SPHK1: variants seen among roughly 807,000 people sequenced by gnomAD.
SPHK1 encodes SK 1.
SPHK1 carries 10 observed loss-of-function variants against 14.6 expected under a neutral mutation model. That is an observed-to-expected ratio of 0.68 (90% CI 0.42 to 1.16). The LOEUF (loss-of-function observed/expected upper bound fraction) is 1.16. Among genes scored for constraint, SPHK1 ranks in the 50% most tolerant of loss-of-function variants. The probability of loss-of-function intolerance (pLI) is 0.00; values close to 1 mark genes in which losing one functional copy is unlikely to be tolerated. For synonymous variants in SPHK1, 274 were observed against 224.0 expected (o/e 1.22, Z -1.99); for missense variants, 553 against 525.4 (o/e 1.05, Z -0.51).
Position 76,385,258 on chromosome 17 carries a change from CGGAGCAGGCGCCCTTCTCAG to C in SPHK1, c.-194-189_-194-170del. ...ACCCCAAGCCCCAGGGAGAAAGCCC[CGGAGCAGGCGCCCTTCTCAG>C]GGATTGTAGGCTTAGTCACACGGCG... On this transcript the variant is annotated intron_variant, in intron 1 of 5. Coordinates refer to ENST00000592299, the MANE Select transcript of SPHK1 (RefSeq NM_001142601.2). The surrounding 1 kb of genome is among the most constrained non-coding windows in gnomAD (Gnocchi z 5.3). The C allele has an allele frequency of 5.9e-6, 9 of 1,514,368 alleles. No homozygotes were observed. Among genetic ancestry groups the C allele is most frequent in the Non-Finnish European group, 7.1e-6 (8 of 1,130,160 alleles). The allele number at this position is 1,514,368 out of a possible 1,614,324, so 93.8% of individuals were successfully genotyped here.
Position 76,386,625 on chromosome 17 carries a change from C to A in SPHK1, c.374+117C>A. On this transcript the variant is annotated intron_variant, in intron 5 of 5. Transcript: ENST00000592299. This position sits in a 1 kb window ranked among gnomAD's most constrained non-coding sequence, Gnocchi z 5.3. ...TTTCCATTTCCCCTTCTCCCTTAGT[C>A]CTGGGGCCCTCTCCTGGTGACCCCA... is the stretch of plus-strand genomic sequence containing the variant. The A allele has an allele frequency of 8.3e-7, 1 of 1,206,696 alleles. No individual in the cohort carries two copies. The highest frequency in any genetic ancestry group is 1.1e-6 in the Non-Finnish European group (1 of 873,266). The allele number at this position is 1,206,696 out of a possible 1,614,324, so 74.7% of individuals were successfully genotyped here. A position where few individuals can be genotyped will look rare whatever the true frequency, so the allele number is the denominator to read the frequency against.
Position 76,387,296 on chromosome 17 carries a change from T to C in SPHK1, c.865T>C (p.Tyr289His). The C allele has an allele frequency of 6.2e-7, 1 of 1,613,648 alleles. No homozygotes were observed. Among genetic ancestry groups the C allele is most frequent in the Non-Finnish European group, 8.5e-7 (1 of 1,179,970 alleles). ...TGCAGCTGGCGTCATGCATCTGTTCTACGTGCGGGCGGGAGTGTCTCGTGC... is the reference window on the plus strand; with the variant it reads ...TGCAGCTGGCGTCATGCATCTGTTCCACGTGCGGGCGGGAGTGTCTCGTGC... The part of the protein sequence containing the change: ...RCAAGVMHLF[Y>H]VRAGVSRAML... The change falls in exon 6 of 6, where the codon TAC becomes CAC. Residue 289 changes from tyrosine to histidine, a missense_variant. By Grantham distance (83) the Tyr-to-His change is moderately conservative. Transcript: ENST00000592299. The surrounding 1 kb of genome is among the most constrained non-coding windows in gnomAD (Gnocchi z 4.1).
chr17:76,385,720 C>A lies in SPHK1; in HGVS notation c.10+66C>A. The A allele has an allele frequency of 6.8e-7, 1 of 1,476,364 alleles. No homozygotes were observed. The allele number at this position is 1,476,364 out of a possible 1,614,324, so 91.5% of individuals were successfully genotyped here. A position where few individuals can be genotyped will look rare whatever the true frequency, so the allele number is the denominator to read the frequency against. ...CTGTTCCTCGCCAGGAATGATGGAA[C>A]GCCCAGCTGGACGAAAGGGGCTGTG... On this transcript the variant is annotated intron_variant, in intron 2 of 5. Transcript: ENST00000592299. The surrounding 1 kb of genome is among the most constrained non-coding windows in gnomAD (Gnocchi z 5.3).
rs749144283 is a variant in SPHK1, at chr17:76,386,188, C to T, written c.164-33C>T. 1 of 1,594,784 alleles carries T rather than the reference C, an allele frequency of 6.3e-7. No homozygotes were observed. Among genetic ancestry groups the T allele is most frequent in the East Asian group, 2.2e-5 (1 of 44,686 alleles). ...GGGAGCATCCCCTGGCAGGGGACCC[C>T]CCCAGTCCTGATAGCTGCCGGTCTC... is the stretch of plus-strand genomic sequence containing the variant. On this transcript the variant is annotated intron_variant, in intron 3 of 5. Transcript: ENST00000592299. This position sits in a 1 kb window ranked among gnomAD's most constrained non-coding sequence, Gnocchi z 5.3.
rs1403372589 is a variant in SPHK1 at position 76,386,548 on chromosome 17, T to C, written c.374+40T>C. The C allele has an allele frequency of 1.2e-5, 19 of 1,563,414 alleles. No homozygotes were observed. The highest frequency in any genetic ancestry group is 1.7e-5 in the Non-Finnish European group (19 of 1,144,964). ...CCAGAGTAGGCCTGTTTCCCGTCAGTGCTCCTCTACCGCGGGGGTTTTCTT... is the reference window on the plus strand; with the variant it reads ...CCAGAGTAGGCCTGTTTCCCGTCAGCGCTCCTCTACCGCGGGGGTTTTCTT... On this transcript the variant is annotated intron_variant, in intron 5 of 5. Transcript: ENST00000592299. The surrounding 1 kb of genome is among the most constrained non-coding windows in gnomAD (Gnocchi z 5.3).
Position 76,387,746 on chromosome 17 carries a change from G to A in SPHK1, c.*160G>A. 1 of 884,152 alleles carries A rather than the reference G, an allele frequency of 1.1e-6. No individual in the cohort carries two copies. The highest frequency in any genetic ancestry group is 1.6e-6 in the Non-Finnish European group (1 of 608,266). The allele number at this position is 884,152 out of a possible 1,614,324, so 54.8% of individuals were successfully genotyped here. A position where few individuals can be genotyped will look rare whatever the true frequency, so the allele number is the denominator to read the frequency against. On this transcript the variant is annotated 3_prime_UTR_variant, in exon 6 of 6. Coordinates refer to ENST00000592299, the MANE Select transcript of SPHK1 (RefSeq NM_001142601.2). The surrounding 1 kb of genome is among the most constrained non-coding windows in gnomAD (Gnocchi z 4.1). ...CTTTGGGGGGACAGGCCAGAATGAA[G>A]TCCTGGGTCAGGAGCCCAGCTGGCT... is the stretch of plus-strand genomic sequence containing the variant.
chr17:76,386,155 G>A lies in SPHK1; in HGVS notation c.163+18G>A, dbSNP rs990032613. On this transcript the variant is annotated intron_variant, in intron 3 of 5. Coordinates refer to ENST00000592299, the MANE Select transcript of SPHK1 (RefSeq NM_001142601.2). This position sits in a 1 kb window ranked among gnomAD's most constrained non-coding sequence, Gnocchi z 5.3. ...GCTCACTGGTGAGTACCTCTCGGAG[G>A]GGGTTTCGGGAGCATCCCCTGGCAG... 5 of 1,589,404 alleles carry A rather than the reference G, an allele frequency of 3.1e-6. No homozygotes were observed. Among genetic ancestry groups the A allele is most frequent in the Admixed American group, 3.4e-5 (2 of 58,900 alleles).
At position 76,385,360 on chromosome 17, in the gene SPHK1, C is replaced by T. The variant is rs2071947359; in HGVS notation, c.-194-91C>T. 3.9e-5 allele frequency: 56 copies of T among 1,448,554 alleles called. No homozygotes were observed. The highest frequency in any genetic ancestry group is 4.4e-5 in the Non-Finnish European group (49 of 1,103,898). 89.7% of individuals were successfully genotyped at this position (1,448,554 alleles called of 1,614,324 possible). Reference sequence around the variant, plus strand: ...CTCTGGACTTCCCGGGAACCTGGCTCCCCGCGCGTGGTCCCGGGATTTAGT... The same window carrying T: ...CTCTGGACTTCCCGGGAACCTGGCTTCCCGCGCGTGGTCCCGGGATTTAGT... On this transcript the variant is annotated intron_variant, in intron 1 of 5. Coordinates refer to ENST00000592299, the MANE Select transcript of SPHK1 (RefSeq NM_001142601.2). This position sits in a 1 kb window ranked among gnomAD's most constrained non-coding sequence, Gnocchi z 5.3.
Position 76,386,732 on chromosome 17 carries a change from C to T in SPHK1, c.375-74C>T. 6.8e-7 allele frequency: 1 copy of T among 1,475,618 alleles called. No individual in the cohort carries two copies. The highest frequency in any genetic ancestry group is 9.1e-7 in the Non-Finnish European group (1 of 1,103,916). The allele number at this position is 1,475,618 out of a possible 1,614,324, so 91.4% of individuals were successfully genotyped here. On this transcript the variant is annotated intron_variant, in intron 5 of 5. Coordinates refer to ENST00000592299, the MANE Select transcript of SPHK1 (RefSeq NM_001142601.2). This position sits in a 1 kb window ranked among gnomAD's most constrained non-coding sequence, Gnocchi z 5.3. The stretch of plus-strand genomic sequence containing the variant: ...GACCACATGGCGCTTTGCCAGCTCC[C>T]ACTCCCCGGGAGGAGGAAGCGGGGG...
chr17:76,386,254 C>G lies in SPHK1; in HGVS notation c.197C>G (p.Ser66Trp). The change falls in exon 4 of 6, where the codon TCG becomes TGG. Residue 66 changes from serine to tryptophan, a missense_variant. Coordinates refer to ENST00000592299, the MANE Select transcript of SPHK1 (RefSeq NM_001142601.2). This position sits in a 1 kb window ranked among gnomAD's most constrained non-coding sequence, Gnocchi z 5.3. ...AACCACGCGCGGGAGCTGGTGCGGT[C>G]GGAGGAGCTGGGCCGCTGGGACGCT... The part of the protein sequence containing the change: ...RRNHARELVR[S>W]EELGRWDALV... 2 of 1,595,092 alleles carry G rather than the reference C, an allele frequency of 1.3e-6. No individual in the cohort carries two copies. Among genetic ancestry groups the G allele is most frequent in the Non-Finnish European group, 1.7e-6 (2 of 1,176,376 alleles).
chr17:76,385,797 G>A lies in SPHK1; in HGVS notation c.10+143G>A. 1 of 1,429,294 alleles carries A rather than the reference G, an allele frequency of 7.0e-7. No homozygotes were observed. Among genetic ancestry groups the A allele is most frequent in the Non-Finnish European group, 9.5e-7 (1 of 1,049,882 alleles). 88.5% of individuals were successfully genotyped at this position (1,429,294 alleles called of 1,614,324 possible). A position where few individuals can be genotyped will look rare whatever the true frequency, so the allele number is the denominator to read the frequency against. ...ACGAGGCCAGAAGCCGGCCGAATCT[G>A]AGCCAAGGAAGGGGGTGGCAGGGGC... On this transcript the variant is annotated intron_variant, in intron 2 of 5. Transcript: ENST00000592299. This position sits in a 1 kb window ranked among gnomAD's most constrained non-coding sequence, Gnocchi z 5.3.
chr17:76,386,939 G>T lies in SPHK1; in HGVS notation c.508G>T (p.Ala170Ser). 6.2e-7 allele frequency: 1 copy of T among 1,613,552 alleles called. No individual in the cohort carries two copies. Among genetic ancestry groups the T allele is most frequent in the Non-Finnish European group, 8.5e-7 (1 of 1,179,852 alleles). The change falls in exon 6 of 6, where the codon GCC (alanine) becomes TCC (serine). Residue 170 changes from alanine to serine, a missense_variant. Physicochemically the swap from Ala to Ser is moderately conservative, Grantham distance 99. Transcript: ENST00000592299. This position sits in a 1 kb window ranked among gnomAD's most constrained non-coding sequence, Gnocchi z 5.3. Reference sequence around the variant, plus strand: ...GCGCCTCTTCTCTGTGCTCAGCCTGGCCTGGGGCTTCATTGCTGATGTGGA... The same window carrying T: ...GCGCCTCTTCTCTGTGCTCAGCCTGTCCTGGGGCTTCATTGCTGATGTGGA... ...GLRLFSVLSL[A>S]WGFIADVDLE... is the part of the protein sequence containing the mutation.
Position 76,387,273 on chromosome 17 carries a change from C to T in SPHK1, c.842C>T (p.Ala281Val), listed in dbSNP as rs751218452. Residue 281 changes from alanine to valine, a missense_variant, in exon 6 of 6, where the codon GCA becomes GTA. Physicochemically the swap from Ala to Val is moderately conservative, Grantham distance 64 (BLOSUM62 0). Transcript: ENST00000592299. This position sits in a 1 kb window ranked among gnomAD's most constrained non-coding sequence, Gnocchi z 4.1. ...EMFAAPMGRC[A>V]AGVMHLFYVR... ...TTTGCTGCACCCATGGGCCGCTGTGCAGCTGGCGTCATGCATCTGTTCTAC... is the reference window on the plus strand; with the variant it reads ...TTTGCTGCACCCATGGGCCGCTGTGTAGCTGGCGTCATGCATCTGTTCTAC... 1.2e-6 allele frequency: 2 copies of T among 1,613,388 alleles called. No homozygotes were observed. Among genetic ancestry groups the T allele is most frequent in the South Asian group, 1.1e-5 (1 of 91,058 alleles).
chr17:76,385,244 C>T lies in SPHK1; in HGVS notation c.-194-207C>T. ...CGGGCCGGAACCGAACCCCAAGCCC[C>T]AGGGAGAAAGCCCCGGAGCAGGCGC... On this transcript the variant is annotated intron_variant, in intron 1 of 5. Transcript: ENST00000592299. This position sits in a 1 kb window ranked among gnomAD's most constrained non-coding sequence, Gnocchi z 5.3. 1.3e-6 allele frequency: 2 copies of T among 1,531,450 alleles called. No individual in the cohort carries two copies. The highest frequency in any genetic ancestry group is 8.8e-7 in the Non-Finnish European group (1 of 1,138,204). 94.9% of individuals were successfully genotyped at this position (1,531,450 alleles called of 1,614,324 possible).
At chr17:76,384,001 A>G (rs1270617226), upstream of SPHK1, 4 of 611,324 alleles carry the variant, frequency 6.5e-6, no homozygotes, top group Non-Finnish European at 9.2e-6. Flanking sequence ...AGCGTCGGGA[A>G]GTTAAAAATA....
chr17:76,386,219 A>G lies in SPHK1; in HGVS notation c.164-2A>G, dbSNP rs1181705152. 4 of 1,595,842 alleles carry G rather than the reference A, an allele frequency of 2.5e-6. No individual in the cohort carries two copies. Among genetic ancestry groups the G allele is most frequent in the South Asian group, 1.1e-5 (1 of 90,412 alleles). ...TCCTGATAGCTGCCGGTCTCCCTGC[A>G]GAGCGGCGGAACCACGCGCGGGAGC... On this transcript the variant is annotated splice_acceptor_variant, in intron 3 of 5. Coordinates refer to ENST00000592299, the MANE Select transcript of SPHK1 (RefSeq NM_001142601.2). LOFTEE classifies it high-confidence loss of function. This position sits in a 1 kb window ranked among gnomAD's most constrained non-coding sequence, Gnocchi z 5.3.
At chr17:76,383,747 C>G (rs918904386), upstream of SPHK1, 4 of 955,016 alleles carry the variant, frequency 4.2e-6, no homozygotes, top group East Asian at 1.3e-4. Context: ...AACACACTGA[C>G]AAACGCGTCC....
At position 76,387,160 on chromosome 17, in the gene SPHK1, G is replaced by A. The variant is rs777192407; in HGVS notation, c.729G>A (p.Glu243=). The A allele has an allele frequency of 1.9e-6, 3 of 1,613,208 alleles. No individual in the cohort carries two copies. The highest frequency in any genetic ancestry group is 2.5e-6 in the Non-Finnish European group (3 of 1,179,974). ...ATGCACACCTTGTGCCACTGGAGGA[G>A]CCAGTGCCCTCTCACTGGACAGTGG... The part of the protein sequence containing the change: ...PVDAHLVPLE[E]PVPSHWTVVP... Residue 243 remains glutamate (E), a synonymous_variant, in exon 6 of 6, where the codon GAG becomes GAA. Transcript: ENST00000592299. The surrounding 1 kb of genome is among the most constrained non-coding windows in gnomAD (Gnocchi z 4.1).
chr17:76,385,944 G>T lies in SPHK1; in HGVS notation c.11-41G>T. The T allele has an allele frequency of 6.4e-7, 1 of 1,567,382 alleles. No homozygotes were observed. The highest frequency in any genetic ancestry group is 2.3e-5 in the East Asian group (1 of 43,396). On this transcript the variant is annotated intron_variant, in intron 2 of 5. Coordinates refer to ENST00000592299, the MANE Select transcript of SPHK1 (RefSeq NM_001142601.2). The surrounding 1 kb of genome is among the most constrained non-coding windows in gnomAD (Gnocchi z 5.3). Reference sequence around the variant, plus strand: ...CCATTGTTACCCGTGGCCCCCTAGTGGTCGGTTGCGGACGTGGCCTCTTTG... The same window carrying T: ...CCATTGTTACCCGTGGCCCCCTAGTTGTCGGTTGCGGACGTGGCCTCTTTG...
Sources: gnomAD v4.1 joint callset for allele counts on GRCh38, gnomAD v4.1.1 for gene constraint, Gnocchi (gnomAD v3.1) non-coding constraint, MANE v1.5 for transcripts, NCBI Gene and HGNC (gene_info 2026-07-23, HGNC 2026-07-21) for gene names.